The following NARS2 variants were observed in gnomAD, a reference collection of about 807,000 sequenced individuals.
The protein encoded by NARS2 is asparaginyl-tRNA synthetase 2, mitochondrial.
Under a neutral mutation model 62.9 loss-of-function variants are expected in NARS2, and 60 were observed. That is an observed-to-expected ratio of 0.95 (90% CI 0.77 to 1.18). The LOEUF is 1.18. Among genes scored for constraint, NARS2 ranks in the 50% most tolerant of loss-of-function variants. The pLI is 0.00. For synonymous variants in NARS2, 196 were observed against 200.0 expected (o/e 0.98, Z 0.17); for missense variants, 619 against 576.4 (o/e 1.07, Z -0.76).
In NARS2 at chr11:78,469,271, G is replaced by C; in HGVS notation, c.1002C>G (p.Ser334=). Residue 334 remains serine, a synonymous_variant, in exon 10 of 14, where the codon TCC becomes TCG. Transcript: ENST00000281038. ...TEAVEILKQA[S]QNFTFTPEWG... ...CCTCTGGGGTAAAGGTGAAGTTCTG[G>C]GATGCTTGCTTTAAGATCTCCACTG... The C allele has an allele frequency of 1.2e-6, 2 of 1,612,772 alleles. No individual in the cohort carries two copies. The highest frequency in any genetic ancestry group is 1.1e-5 in the South Asian group (1 of 91,016).
At chr11:78,464,923 A>G (rs933869185) in intron 11 of NARS2, among the ~76,000 whole-genome samples, 5 of 152,242 alleles carry the variant, frequency 3.3e-5, no homozygotes, top group African/African-American at 1.2e-4. Context: ...TGGATCCCAC[A>G]CTGGGGCTGC....
intron 12 of NARS2, among the ~76,000 whole-genome samples, chr11:78,441,715 A>C (rs1035400456): frequency 1.3e-5 from 2 of 152,040 alleles, no homozygotes; most frequent in Non-Finnish European, 2.9e-5. Context: ...CATCTCAAAA[A>C]AAAAAAAAGA....
At chr11:78,481,654 G>A (rs891979409) in intron 7 of NARS2, among the ~76,000 whole-genome samples, 3 of 151,986 alleles carry the variant, frequency 2.0e-5, no homozygotes, top group African/African-American at 7.3e-5. Context: ...CTAACAGAAG[G>A]GTTAGCGTAA....
At chr11:78,549,358 C>T (rs1473683533) in intron 5 of NARS2, among the ~76,000 whole-genome samples, 1 of 152,240 alleles carries the variant, frequency 6.6e-6, no homozygotes, top group African/African-American at 2.4e-5. Flanking sequence ...GACTCCAACA[C>T]TGACTGGGCA....
At chr11:78,483,695 C>CCTCTTCAAGGAGAAGGAGTT (rs1859452682) in intron 7 of NARS2, among the ~76,000 whole-genome samples, 1 of 152,046 alleles carries the variant, frequency 6.6e-6, no homozygotes, top group Non-Finnish European at 1.5e-5. Context: ...ATGTGAAGGA[C>CCTCTTCAAGGAGAAGGAGTT]CTCTTCAAGG....
intron 13 of NARS2, among the ~76,000 whole-genome samples, chr11:78,437,618 G>A (rs945848441): frequency 1.3e-5 from 2 of 152,122 alleles, no homozygotes; most frequent in African/African-American, 4.8e-5. Context: ...GAGGAAAAGG[G>A]CAACTATAAA....
At chr11:78,442,314 A>G (rs1222151922) in intron 12 of NARS2, among the ~76,000 whole-genome samples, 2 of 152,210 alleles carry the variant, frequency 1.3e-5, no homozygotes. Flanking sequence ...ATGCTGTAAT[A>G]GTAGTAAGGA....
intron 11 of NARS2, among the ~76,000 whole-genome samples, chr11:78,448,987 CCTTT>C (rs2135156787): frequency 6.6e-6 from 1 of 152,204 alleles, no homozygotes; most frequent in African/African-American, 2.4e-5. Context: ...TTATAAACTT[CCTTT>C]AATATTTGAG....
chr11:78,448,656 G>A (rs1345301978), intron 11 of NARS2, among the ~76,000 whole-genome samples: 1 of 152,098 alleles, frequency 6.6e-6, no homozygotes. Flanking sequence ...TTAAAGCCAG[G>A]GTTAGAAAGG....
chr11:78,470,537 G>A (rs1289786681), intron 9 of NARS2, among the ~76,000 whole-genome samples: 1 of 151,930 alleles, frequency 6.6e-6, no homozygotes, highest in Non-Finnish European at 1.5e-5. Context: ...AATATACCTT[G>A]CAGATCTGTG....
At chr11:78,542,866 C>A (rs545795238) in intron 5 of NARS2, among the ~76,000 whole-genome samples, 1 of 152,218 alleles carries the variant, frequency 6.6e-6, no homozygotes, top group East Asian at 1.9e-4. Flanking sequence ...TGGCTCATCA[C>A]TGCACTCCCA....
In NARS2 at chr11:78,521,595, C is replaced by T. The variant is rs1861125095; in HGVS notation, c.689+7247G>A. Among the ~76,000 whole-genome samples, 9 of 152,024 alleles carry T rather than the reference C, an allele frequency of 5.9e-5. No homozygotes were observed. The South Asian group carries it at 1.9e-3, about 32-fold the overall frequency. The stretch of plus-strand genomic sequence containing the variant: ...CACGAGGTCAGGAGATCGAGACCAT[C>T]CCGGCTAAAATGGTGAAACCTCGCC... On this transcript the variant is annotated intron_variant, in intron 6 of 13. Coordinates refer to ENST00000281038, the MANE Select transcript of NARS2 (RefSeq NM_024678.6).
At chr11:78,501,265 T>C (rs1450926987) in intron 6 of NARS2, among the ~76,000 whole-genome samples, 1 of 152,232 alleles carries the variant, frequency 6.6e-6, no homozygotes, top group Non-Finnish European at 1.5e-5. Flanking sequence ...AAAAGGTGGC[T>C]AGATTCTCAT....
chr11:78,562,458 T>G (rs1427064943), intron 4 of NARS2, among the ~76,000 whole-genome samples: 1 of 151,992 alleles, frequency 6.6e-6, no homozygotes, highest in African/African-American at 2.4e-5. Flanking sequence ...ATACTTCACA[T>G]AGTCAGTGGC....
intron 5 of NARS2, among the ~76,000 whole-genome samples, chr11:78,556,746 T>C (rs971511753): frequency 1.6e-4 from 24 of 152,234 alleles, no homozygotes; most frequent in African/African-American, 5.8e-4. Flanking sequence ...CCTACAATTC[T>C]TGCCTTAATC....
chr11:78,448,641 A>G (rs1279056537), intron 11 of NARS2, among the ~76,000 whole-genome samples: 2 of 152,110 alleles, frequency 1.3e-5, no homozygotes, highest in Admixed American at 1.3e-4. Context: ...AAGTACATGT[A>G]AAGGTTAAAG....
intron 11 of NARS2, among the ~76,000 whole-genome samples, chr11:78,460,435 T>C (rs1858351518): frequency 6.6e-6 from 1 of 151,956 alleles, no homozygotes; most frequent in Admixed American, 6.6e-5. Flanking sequence ...AAACTCACAC[T>C]AAAATGGGAG....
At chr11:78,441,140 C>A (rs201885237) in intron 12 of NARS2, 23 bp from the exon 13 acceptor site, 2 of 1,604,582 alleles carry the variant, frequency 1.2e-6, no homozygotes, top group East Asian at 2.2e-5. Context: ...AAATAAAATT[C>A]TTTCAGGGAA....
rs145573976 is a variant in NARS2 at position 78,564,265 on chromosome 11, G to A, written c.513+1867C>T. 3.0e-3 allele frequency among the ~76,000 whole-genome samples: 450 copies of A among 152,096 alleles called. 4 individuals are homozygous for A. The highest frequency in any genetic ancestry group is 0.026 in the South Asian group (123 of 4,814). On this transcript the variant is annotated intron_variant, in intron 4 of 13. Transcript: ENST00000281038. ...GGCTGGAGTTCAGTGGCACAAACAC[G>A]GATCACTGCAGCCTCCACCTCCTGG...
Sources: gnomAD v4.1 joint callset for allele counts (sites outside exome capture counted in the v4.1 genomes callset) on GRCh38, gnomAD v4.1.1 for gene constraint, MANE v1.5 for transcripts, NCBI Gene and HGNC (gene_info 2026-07-23, HGNC 2026-07-21) for gene names.